The following SAMD3 variants were observed in gnomAD, a reference collection of about 807,000 sequenced individuals.
SAMD3 encodes the protein sterile alpha motif domain-containing protein 3.
A neutral mutation model predicts 58.5 loss-of-function variants in SAMD3; 63 were observed. That is an observed-to-expected ratio of 1.08 (90% confidence interval 0.88 to 1.33). SAMD3 has a LOEUF of 1.33. Ranked by LOEUF, SAMD3 falls within the 40% of genes most tolerant of loss-of-function variation. The pLI is 0.00. For missense variants in SAMD3, 604 were observed against 608.4 expected, an observed-to-expected ratio of 0.99 and a Z score of 0.08; for synonymous variants, 220 against 210.3, an observed-to-expected ratio of 1.05 and a Z score of -0.40.
intron 1 of SAMD3, among the ~76,000 whole-genome samples, chr6:130,314,820 C>G (rs1220413996): frequency 6.6e-6 from 1 of 152,120 alleles, no homozygotes; most frequent in Non-Finnish European, 1.5e-5. Context: ...AAAACTTTGA[C>G]CTGGCATTGG....
chr6:130,183,388 T>A (rs1270096240), intron 7 of SAMD3: 1 of 451,694 alleles, frequency 2.2e-6, no homozygotes, highest in Non-Finnish European at 4.4e-6. Context: ...CAGAGCATCC[T>A]GAGGGTCTGT....
intron 2 of SAMD3, among the ~76,000 whole-genome samples, chr6:130,229,383 GGATCCCCAGGAA>G (rs1407279817): frequency 3.3e-5 from 5 of 152,238 alleles, no homozygotes; most frequent in African/African-American, 7.2e-5. Flanking sequence ...TAAGAGTGGC[GGATCCCCAGGAA>G]GAACTGAGGT....
chr6:130,175,875 A>G lies in SAMD3; in HGVS notation c.788T>C (p.Ile263Thr), dbSNP rs763390626. The G allele has an allele frequency of 1.9e-6, 3 of 1,612,884 alleles. No homozygotes were observed. Among genetic ancestry groups the G allele is most frequent in the Admixed American group, 3.3e-5 (2 of 59,918 alleles). Residue 263 changes from isoleucine to threonine, a missense_variant, in exon 8 of 12, where the codon ATA (isoleucine) becomes ACA (threonine). Physicochemically the swap from Ile to Thr is moderately conservative, Grantham distance 89 (BLOSUM62 -1). Coordinates refer to ENST00000439090, the MANE Select transcript of SAMD3 (RefSeq NM_001017373.4). ...RGQTRKSLAD[I>T]RFDEIKLVQI... The stretch of plus-strand genomic sequence containing the variant: ...GACAAGTTTAATTTCATCAAATCTT[A>G]TATCAGCAAGAGATTTCCTTGTCTG...
At chr6:130,195,677 C>T (rs933089942) in intron 5 of SAMD3, among the ~76,000 whole-genome samples, 2 of 152,282 alleles carry the variant, frequency 1.3e-5, no homozygotes, top group African/African-American at 4.8e-5. Context: ...TCAGGCTCAG[C>T]AAATTACCTG....
intron 8 of SAMD3, among the ~76,000 whole-genome samples, chr6:130,168,015 C>G (rs1200983737): frequency 1.3e-5 from 2 of 152,144 alleles, no homozygotes; most frequent in African/African-American, 2.4e-5. Flanking sequence ...CTAAGCAGAG[C>G]AAAAATGGCA....
intron 2 of SAMD3, among the ~76,000 whole-genome samples, chr6:130,274,507 T>A (rs192035221): frequency 4.3e-4 from 65 of 152,240 alleles, no homozygotes; most frequent in African/African-American, 1.5e-3. Context: ...CTGCTGTTTT[T>A]TAGGGTTCCT....
At chr6:130,351,930 G>A (rs1352710071) in intron 1 of SAMD3, among the ~76,000 whole-genome samples, 2 of 152,000 alleles carry the variant, frequency 1.3e-5, no homozygotes, top group African/African-American at 4.8e-5. Flanking sequence ...GAATGAAGCT[G>A]GAAACCATCA....
In SAMD3 at chr6:130,184,685, T is replaced by C. The variant is rs1792763785; in HGVS notation, c.384-62A>G. The C allele has an allele frequency of 3.7e-6, 5 of 1,368,294 alleles. No individual in the cohort carries two copies. The Admixed American group carries it at 6.6e-5, about 18-fold the overall frequency. 84.8% of individuals were successfully genotyped at this position (1,368,294 alleles called of 1,614,324 possible). ...TCCAAATATATGCAGTTTATTAATT[T>C]GCTACATCCTGAGAACTTATGAAAT... On this transcript the variant is annotated intron_variant, in intron 5 of 11. Coordinates refer to ENST00000439090, the MANE Select transcript of SAMD3 (RefSeq NM_001017373.4).
chr6:130,247,788 T>G (rs900286312), intron 2 of SAMD3, among the ~76,000 whole-genome samples: 13 of 152,234 alleles, frequency 8.5e-5, no homozygotes, highest in African/African-American at 3.1e-4. Flanking sequence ...ATGGAAGATT[T>G]GGATTACTAT....
intron 2 of SAMD3, among the ~76,000 whole-genome samples, chr6:130,228,416 G>A (rs1796445737): frequency 6.6e-6 from 1 of 152,160 alleles, no homozygotes; most frequent in Admixed American, 6.5e-5. Flanking sequence ...CTAACAAAAT[G>A]GAATTTGGGA....
intron 2 of SAMD3, chr6:130,215,675 C>T (rs1582957139): frequency 2.1e-5 from 30 of 1,422,478 alleles, no homozygotes; most frequent in Non-Finnish European, 5.5e-6. Flanking sequence ...CACTACCAGG[C>T]TCCTCAGGAA....
intron 2 of SAMD3, among the ~76,000 whole-genome samples, chr6:130,228,061 T>C (rs1016108186): frequency 6.6e-6 from 1 of 152,208 alleles, no homozygotes; most frequent in Non-Finnish European, 1.5e-5. Flanking sequence ...CTATAAGGTA[T>C]TTTCATCCTG....
At chr6:130,353,362 G>A (rs1583147420) in intron 1 of SAMD3, among the ~76,000 whole-genome samples, 1 of 152,270 alleles carries the variant, frequency 6.6e-6, no homozygotes, top group East Asian at 1.9e-4. Flanking sequence ...GAGGAGAAGA[G>A]CCTTCCAGGA....
At chr6:130,364,501 A>G (rs1028230048) in intron 1 of SAMD3, among the ~76,000 whole-genome samples, 1 of 152,044 alleles carries the variant, frequency 6.6e-6, no homozygotes, top group Non-Finnish European at 1.5e-5. Context: ...TATAAAATGT[A>G]GAGGTAACTA....
At chr6:130,161,708 C>G (rs1171231240) in intron 8 of SAMD3, 2 of 152,256 alleles carry the variant, frequency 1.3e-5, no homozygotes, top group African/African-American at 4.8e-5. Flanking sequence ...TCACACTTTA[C>G]TGATGGGCAA....
intron 7 of SAMD3, among the ~76,000 whole-genome samples, chr6:130,182,700 A>G (rs1006513133): frequency 6.6e-6 from 1 of 152,150 alleles, no homozygotes; most frequent in Non-Finnish European, 1.5e-5. Context: ...GGGAGGAAAC[A>G]GAGCCTTAAA....
intron 1 of SAMD3, among the ~76,000 whole-genome samples, chr6:130,350,641 T>C (rs1777622931): frequency 6.6e-6 from 1 of 152,122 alleles, no homozygotes; most frequent in Admixed American, 6.6e-5. Context: ...AAAATGGCCA[T>C]ACTGCCCAAG....
intron 2 of SAMD3, among the ~76,000 whole-genome samples, chr6:130,306,474 G>A (rs1214963386): frequency 1.3e-5 from 2 of 152,186 alleles, no homozygotes; most frequent in Non-Finnish European, 2.9e-5. Flanking sequence ...AGTTGACTAA[G>A]CAGTTACTCT....
intron 2 of SAMD3, among the ~76,000 whole-genome samples, chr6:130,243,444 G>T (rs1421485209): frequency 1.3e-5 from 2 of 152,136 alleles, no homozygotes; most frequent in Non-Finnish European, 2.9e-5. Context: ...GGGGAAGAGA[G>T]AATTGGAACT....
Sources: allele counts gnomAD v4.1 joint callset (sites outside exome capture counted in the v4.1 genomes callset), GRCh38; gene constraint gnomAD v4.1.1; transcripts MANE v1.5; gene names NCBI Gene and HGNC (gene_info 2026-07-23, HGNC 2026-07-21).